The following UPRT variants were observed in gnomAD, a reference collection of about 807,000 sequenced individuals.
The protein encoded by UPRT is RP11-311P8.3.
Under a neutral mutation model 22.6 loss-of-function variants are expected in UPRT, and 5 were observed. That is an observed-to-expected ratio of 0.22 (90% confidence interval 0.12 to 0.47). UPRT has a LOEUF of 0.47. Among genes scored for constraint, UPRT ranks in the 20% least tolerant of loss-of-function variants. UPRT has a pLI of 0.99. For missense variants in UPRT, 181 were observed against 239.9 expected (o/e 0.75, Z 1.62); for synonymous variants, 77 against 87.7 (o/e 0.88, Z 0.68).
At chrX:75,181,160 G>A (rs1189020829) in intron 4 of UPRT, among the ~76,000 whole-genome samples, 4 of 110,476 alleles carry the variant, frequency 3.6e-5, no homozygotes, top group African/African-American at 1.3e-4. Context: ...AATCAGATTG[G>A]TGTAGGTGTG....
In UPRT at chrX:75,296,420, G is replaced by A; in HGVS notation, c.499+9G>A. Reference sequence around the variant, plus strand: ...GGTGACCACTCCAACAGGTAACTAGGGCTGTTATTCTCAAATTTTCCTCAT... The same window carrying A: ...GGTGACCACTCCAACAGGTAACTAGAGCTGTTATTCTCAAATTTTCCTCAT... On this transcript the variant is annotated intron_variant, in intron 3 of 6. Coordinates refer to ENST00000373383, the MANE Select transcript of UPRT (RefSeq NM_145052.4). The A allele has an allele frequency of 1.7e-6, 2 of 1,199,853 alleles. No individual in the cohort carries two copies. The highest frequency in any genetic ancestry group is 2.3e-6 in the Non-Finnish European group (2 of 886,544).
intron 3 of UPRT, among the ~76,000 whole-genome samples, chrX:75,163,958 A>G (rs959681406): frequency 3.6e-5 from 4 of 111,169 alleles, no homozygotes; most frequent in African/African-American, 1.3e-4. Context: ...CCAGTGGATC[A>G]CTTGAGGTCA....
chrX:75,192,990 G>A (rs2082320921), intron 4 of UPRT, among the ~76,000 whole-genome samples: 1 of 111,940 alleles, frequency 8.9e-6, no homozygotes, highest in African/African-American at 3.2e-5. Flanking sequence ...TGATATGTGT[G>A]AATTTGATTC....
intron 4 of UPRT, among the ~76,000 whole-genome samples, chrX:75,234,421 C>G (rs1457062507): frequency 9.0e-6 from 1 of 111,242 alleles, no homozygotes; most frequent in African/African-American, 3.3e-5. Context: ...GAACTCAGCT[C>G]TGTACCAAGC....
intron 4 of UPRT, among the ~76,000 whole-genome samples, chrX:75,237,768 A>C (rs1434494045): frequency 1.1e-5 from 1 of 87,630 alleles, no homozygotes; most frequent in Non-Finnish European, 2.2e-5. Context: ...TGGACACAGG[A>C]AGGGGAACAT....
chrX:75,256,537 AAAC>A (rs200002367), intron 4 of UPRT, among the ~76,000 whole-genome samples: 13,573 of 110,961 alleles, frequency 0.12, 1,527 homozygotes, highest in East Asian at 0.9. Flanking sequence ...AATGAAATTG[AAAC>A]AACAACAACA....
chrX:75,180,789 A>T (rs1354683705), intron 4 of UPRT, among the ~76,000 whole-genome samples: 6 of 87,811 alleles, frequency 6.8e-5, no homozygotes, highest in African/African-American at 2.4e-4. Context: ...AGTTTGCAAA[A>T]TTTTTTTACC....
chrX:75,199,851 G>A (rs943649937), intron 4 of UPRT, among the ~76,000 whole-genome samples: 5 of 111,915 alleles, frequency 4.5e-5, no homozygotes, highest in Non-Finnish European at 3.8e-5. Flanking sequence ...CCTTCAACCC[G>A]TCACCAACAG....
chrX:75,260,564 A>G (rs1170872472), intron 4 of UPRT, among the ~76,000 whole-genome samples: 1 of 112,563 alleles, frequency 8.9e-6, no homozygotes, highest in African/African-American at 3.2e-5. Context: ...TATTTTAAAT[A>G]TATATGCACT....
chrX:75,184,532 T>C (rs1417107389), intron 4 of UPRT, among the ~76,000 whole-genome samples: 18 of 108,028 alleles, frequency 1.7e-4, no homozygotes, highest in African/African-American at 5.8e-4. Flanking sequence ...CATATGAACT[T>C]TAAAGTAGTT....
intron 4 of UPRT, among the ~76,000 whole-genome samples, chrX:75,206,040 A>G (rs1005195534): frequency 4.5e-5 from 5 of 111,652 alleles, no homozygotes; most frequent in African/African-American, 1.6e-4. Context: ...AATTTTACCT[A>G]AAGATTGGGT....
intron 1 of UPRT, among the ~76,000 whole-genome samples, chrX:75,289,826 A>C (rs932098625): frequency 1.8e-5 from 2 of 112,122 alleles, no homozygotes; most frequent in South Asian, 3.7e-4. Context: ...AAATATTTAC[A>C]TGTAAGACCT....
intron 4 of UPRT, among the ~76,000 whole-genome samples, chrX:75,254,541 C>G (rs1319810847): frequency 9.0e-6 from 1 of 111,451 alleles, no homozygotes; most frequent in African/African-American, 3.3e-5. Flanking sequence ...GTCAAACAAC[C>G]AAACCTAAGA....
intron 1 of UPRT, chrX:75,291,393 C>A: frequency 3.1e-6 from 1 of 319,538 alleles, no homozygotes; most frequent in East Asian, 1.0e-4. Flanking sequence ...TCTTTCAAAG[C>A]TTTTTTTCCA....
chrX:75,165,476 G>A (rs1416517697), intron 3 of UPRT, among the ~76,000 whole-genome samples: 1 of 111,508 alleles, frequency 9.0e-6, no homozygotes, highest in African/African-American at 3.3e-5. Flanking sequence ...ATTGGGGACT[G>A]GAAGAGTCAT....
chrX:75,249,845 A>T (rs1185908890), intron 4 of UPRT, among the ~76,000 whole-genome samples: 3 of 111,598 alleles, frequency 2.7e-5, no homozygotes, highest in Non-Finnish European at 3.8e-5. Flanking sequence ...AAGAACAGAA[A>T]TTATAACAAA....
chrX:75,180,165 T>C (rs1456700871), intron 4 of UPRT, among the ~76,000 whole-genome samples: 1 of 112,362 alleles, frequency 8.9e-6, no homozygotes, highest in African/African-American at 3.2e-5. Context: ...TTGCATTCAG[T>C]TGGAATTCTT....
intron 1 of UPRT, among the ~76,000 whole-genome samples, chrX:75,156,926 C>CACACACAGAG (rs748263766): frequency 3.7e-5 from 4 of 108,931 alleles, no homozygotes; most frequent in African/African-American, 1.3e-4. Context: ...CACACACACA[C>CACACACAGAG]AGAGAGACTA....
chrX:75,266,652 C>T (rs749594478), intron 4 of UPRT, among the ~76,000 whole-genome samples: 28 of 111,321 alleles, frequency 2.5e-4, no homozygotes, highest in African/African-American at 8.1e-4. Flanking sequence ...AGTGAACAGG[C>T]AACCTACAGA....
Sources: gnomAD v4.1 joint callset for allele counts (sites outside exome capture counted in the v4.1 genomes callset) on GRCh38, gnomAD v4.1.1 for gene constraint, MANE v1.5 for transcripts, NCBI Gene and HGNC (gene_info 2026-07-23, HGNC 2026-07-21) for gene names.